Variants in KIAA1549L observed in about 807,000 individuals in gnomAD.
The protein encoded by KIAA1549L is KIAA1549 like.
KIAA1549L carries 88 observed loss-of-function variants against 160.7 expected under a neutral mutation model. The observed-to-expected ratio is 0.55, with a 90% CI of 0.46 to 0.65. The LOEUF (loss-of-function observed/expected upper bound fraction) is 0.65. Ranked by LOEUF, KIAA1549L falls within the 30% of genes least tolerant of loss-of-function variation. The probability of loss-of-function intolerance (pLI) is 0.00; values close to 1 mark genes in which losing one functional copy is unlikely to be tolerated. For synonymous variants in KIAA1549L, 950 were observed against 976.7 expected, an observed-to-expected ratio of 0.97 and a Z score of 0.51; for missense variants, 2,258 against 2,437.5, an observed-to-expected ratio of 0.93 and a Z score of 1.55.
intron 1 of KIAA1549L, among the ~76,000 whole-genome samples, chr11:33,397,710 TCACACACACACA>T (rs71034679): frequency 0.069 from 9,845 of 142,794 alleles, 359 homozygotes; most frequent in South Asian, 0.1. Flanking sequence ...AGACTCCATC[TCACACACACACA>T]CACACACACA....
intron 15 of KIAA1549L, among the ~76,000 whole-genome samples, chr11:33,614,597 T>A (rs1417141927): frequency 1.2e-4 from 7 of 57,368 alleles, no homozygotes; most frequent in East Asian, 1.0e-3. Flanking sequence ...TTTTTTTTTT[T>A]TTTTTTTTTT....
chr11:33,571,611 G>T (rs552838004), intron 9 of KIAA1549L, among the ~76,000 whole-genome samples: 33 of 152,204 alleles, frequency 2.2e-4, no homozygotes, highest in African/African-American at 7.5e-4. Context: ...AAGAAAGAGG[G>T]TGGGGGGAGG....
intron 16 of KIAA1549L, among the ~76,000 whole-genome samples, chr11:33,627,685 T>A (rs898860830): frequency 3.3e-5 from 5 of 152,176 alleles, no homozygotes; most frequent in African/African-American, 1.2e-4. Flanking sequence ...AAACAATTAG[T>A]CTTGCTAATA....
At chr11:33,492,583 T>C (rs574405663) in intron 1 of KIAA1549L, among the ~76,000 whole-genome samples, 1 of 152,202 alleles carries the variant, frequency 6.6e-6, no homozygotes, top group Non-Finnish European at 1.5e-5. Flanking sequence ...CTTTTTGTTA[T>C]TTAGGCTGCT....
intron 17 of KIAA1549L, among the ~76,000 whole-genome samples, chr11:33,651,087 C>T (rs185754778): frequency 6.6e-6 from 1 of 152,314 alleles, no homozygotes; most frequent in African/African-American, 2.4e-5. Context: ...TGTAAATGTA[C>T]CTCGCTTCTT....
intron 13 of KIAA1549L, among the ~76,000 whole-genome samples, chr11:33,602,510 G>C (rs189394382): frequency 2.3e-4 from 35 of 152,332 alleles, no homozygotes; most frequent in African/African-American, 8.4e-4. Context: ...AAATGGGAGA[G>C]GGAGGCACTC....
intron 16 of KIAA1549L, among the ~76,000 whole-genome samples, chr11:33,631,300 C>T (rs796242723): frequency 6.6e-6 from 1 of 152,210 alleles, no homozygotes; most frequent in Non-Finnish European, 1.5e-5. Flanking sequence ...TTCAACCACC[C>T]CCTTGGCTCC....
chr11:33,520,724 C>T (rs1431830428), intron 1 of KIAA1549L, among the ~76,000 whole-genome samples: 1 of 150,226 alleles, frequency 6.7e-6, no homozygotes, highest in Non-Finnish European at 1.5e-5. Context: ...CACACACACA[C>T]ACACACACAC....
At chr11:33,530,430 AAAAAAAATATATATATATATATATAT>A (rs1252771754) in intron 1 of KIAA1549L, among the ~76,000 whole-genome samples, 249 of 14,394 alleles carry the variant, frequency 0.017, 21 homozygotes, top group African/African-American at 0.044. Flanking sequence ...AAAAAAAAAA[AAAAAAAATATATATATATATATATAT>A]ATATATATAT....
At chr11:33,456,596 G>A (rs922275594) in intron 1 of KIAA1549L, among the ~76,000 whole-genome samples, 2 of 151,994 alleles carry the variant, frequency 1.3e-5, no homozygotes, top group Non-Finnish European at 2.9e-5. Flanking sequence ...TTTTTTTGTA[G>A]AGACAGGGTT....
At chr11:33,651,490 TGCC>T (rs927042972) in intron 17 of KIAA1549L, among the ~76,000 whole-genome samples, 17 of 104,310 alleles carry the variant, frequency 1.6e-4, no homozygotes, top group African/African-American at 9.0e-4. Flanking sequence ...CAGTCTTTTG[TGCC>T]TCCTTCTTCC....
At chr11:33,431,804 C>T (rs977402305) in intron 1 of KIAA1549L, among the ~76,000 whole-genome samples, 7 of 152,230 alleles carry the variant, frequency 4.6e-5, no homozygotes, top group African/African-American at 1.7e-4. Flanking sequence ...GGGCGGTGCT[C>T]ATCGGGGAGG....
intron 16 of KIAA1549L, among the ~76,000 whole-genome samples, chr11:33,619,310 G>T (rs1177817391): frequency 2.6e-5 from 4 of 152,162 alleles, no homozygotes. Flanking sequence ...GTACAGTAAT[G>T]CCTCACCCTG....
chr11:33,625,937 T>C (rs1408160574), intron 16 of KIAA1549L, among the ~76,000 whole-genome samples: 6 of 149,464 alleles, frequency 4.0e-5, no homozygotes, highest in African/African-American at 9.8e-5. Flanking sequence ...GATTTTTGTA[T>C]AAGGTGTAAG....
chr11:33,502,355 A>G (rs1307992169), intron 1 of KIAA1549L, among the ~76,000 whole-genome samples: 1 of 152,154 alleles, frequency 6.6e-6, no homozygotes, highest in African/African-American at 2.4e-5. Context: ...TATGGGAAGT[A>G]TTGCACCGAA....
chr11:33,538,328 A>G (rs1853939385), intron 1 of KIAA1549L, among the ~76,000 whole-genome samples: 1 of 152,176 alleles, frequency 6.6e-6, no homozygotes, highest in African/African-American at 2.4e-5. Flanking sequence ...AGCCATATCA[A>G]TATGCTTTTT....
At chr11:33,435,759 G>GAGAGAGAT (rs1429879805) in intron 1 of KIAA1549L, among the ~76,000 whole-genome samples, 1 of 14,994 alleles carries the variant, frequency 6.7e-5, no homozygotes. Context: ...GAACCAATAA[G>GAGAGAGAT]ATATATATAT....
At chr11:33,561,803 G>T in intron 8 of KIAA1549L, 68 bp downstream of exon 8, 1 of 1,145,456 alleles carries the variant, frequency 8.7e-7, no homozygotes, top group Non-Finnish European at 1.3e-6. Flanking sequence ...TAAACTGTAG[G>T]CCATTCATTA....
rs575758942 is a variant in KIAA1549L, at chr11:33,395,789, A to G, written c.238+18900A>G. 1.1e-4 allele frequency among the ~76,000 whole-genome samples: 16 copies of G among 152,078 alleles called. No individual in the cohort carries two copies. In the East Asian group the frequency reaches 1.7e-3, roughly 17 times the overall value. ...TTAAATTGGACTCAGTTGTACTTCAAGTGGATTGTAGTCTGCTGTCTTCTG... is the reference window on the plus strand; with the variant it reads ...TTAAATTGGACTCAGTTGTACTTCAGGTGGATTGTAGTCTGCTGTCTTCTG... On this transcript the variant is annotated intron_variant, in intron 1 of 20. Coordinates refer to ENST00000658780, the MANE Select transcript of KIAA1549L (RefSeq NM_012194.3).
Sources: allele counts gnomAD v4.1 joint callset (sites outside exome capture counted in the v4.1 genomes callset), GRCh38; gene constraint gnomAD v4.1.1; transcripts MANE v1.5; gene names NCBI Gene and HGNC (gene_info 2026-07-23, HGNC 2026-07-21).